SCARB2: variants seen among roughly 807,000 people sequenced by gnomAD.
SCARB2 encodes lysosome membrane protein 2.
SCARB2 carries 29 observed loss-of-function variants against 58.6 expected under a neutral mutation model. That is an observed-to-expected ratio of 0.49 (90% CI 0.37 to 0.67). The LOEUF is 0.67. SCARB2 is among the 30% of genes least tolerant of loss of function. The pLI is 0.00. For missense variants in SCARB2, 488 were observed against 578.5 expected (o/e 0.84, Z 1.60); for synonymous variants, 195 against 210.1 (o/e 0.93, Z 0.62).
intron 11 of SCARB2, 168 bp downstream of exon 11, chr4:76,163,057 T>C (rs763705624): frequency 6.4e-6 from 5 of 781,802 alleles, no homozygotes; most frequent in Non-Finnish European, 1.1e-5. Context: ...CACACTTCCT[T>C]TGCTTCCCAT....
chr4:76,230,649 G>A (rs540259445), intron 1 of SCARB2, among the ~76,000 whole-genome samples: 1 of 152,258 alleles, frequency 6.6e-6, no homozygotes, highest in East Asian at 1.9e-4. Flanking sequence ...GTATGTGAGA[G>A]AGAGAGGAAA....
intron 1 of SCARB2, among the ~76,000 whole-genome samples, chr4:76,221,047 G>A (rs1733298791): frequency 6.6e-6 from 1 of 152,112 alleles, no homozygotes; most frequent in East Asian, 1.9e-4. Context: ...ATCAACTCCT[G>A]TAAAGAGTCA....
At chr4:76,232,426 G>A (rs189607808) in intron 1 of SCARB2, among the ~76,000 whole-genome samples, 209 of 152,254 alleles carry the variant, frequency 1.4e-3, no homozygotes, top group Non-Finnish European at 2.4e-3. Context: ...TCTTGAAAAG[G>A]ATTAAAACAA....
At chr4:76,179,991 A>C in intron 3 of SCARB2, 1 of 439,690 alleles carries the variant, frequency 2.3e-6, no homozygotes, top group Non-Finnish European at 4.2e-6. Context: ...TCTTGTAAAC[A>C]TGTGGGCATC....
At chr4:76,200,415 G>A (rs912678999) in intron 1 of SCARB2, among the ~76,000 whole-genome samples, 5 of 152,124 alleles carry the variant, frequency 3.3e-5, no homozygotes, top group African/African-American at 1.2e-4. Flanking sequence ...ACAAAATACT[G>A]GAAAATTATC....
In SCARB2 at chr4:76,179,712, A is replaced by G; in HGVS notation, c.424-7T>C. 6.2e-7 allele frequency: 1 copy of G among 1,610,218 alleles called. No individual in the cohort carries two copies. ...GGGACCACTCTATGACAGTCTGCGG[A>G]GCAGAGGTATATTAAGACAGCAGCA... On this transcript the variant is annotated splice_region_variant and splice_polypyrimidine_tract_variant and intron_variant, in intron 3 of 11. Transcript: ENST00000264896.
At chr4:76,222,635 T>C (rs1733329737) in intron 1 of SCARB2, among the ~76,000 whole-genome samples, 1 of 152,204 alleles carries the variant, frequency 6.6e-6, no homozygotes, top group South Asian at 2.1e-4. Context: ...TTTTGGTCCT[T>C]CACATTCTTT....
chr4:76,201,667 A>T (rs1732831156), intron 1 of SCARB2, among the ~76,000 whole-genome samples: 1 of 152,194 alleles, frequency 6.6e-6, no homozygotes, highest in African/African-American at 2.4e-5. Context: ...TGCAAATATT[A>T]TTTTTCAAGG....
At chr4:76,211,023 T>C (rs1462456677) in intron 1 of SCARB2, among the ~76,000 whole-genome samples, 3 of 152,258 alleles carry the variant, frequency 2.0e-5, no homozygotes, top group African/African-American at 7.2e-5. Flanking sequence ...TCTCCCATAG[T>C]AATACTAGTG....
At position 76,175,797 on chromosome 4, in the gene SCARB2, A is replaced by G; in HGVS notation, c.818T>C (p.Phe273Ser). The part of the protein sequence containing the change: ...DEVLYVFPSD[F>S]CRSVYITFSD... ...TTATCTTTAAAGCTTTTACCTGCAA[A>G]AGTCAGATGGGAAGACATAAAGGAC... The change falls in exon 6 of 12, where the codon TTT becomes TCT. Residue 273 changes from phenylalanine (F) to serine (S), a missense_variant. Transcript: ENST00000264896. 1.2e-6 allele frequency: 2 copies of G among 1,614,034 alleles called. No individual in the cohort carries two copies. The highest frequency in any genetic ancestry group is 1.7e-6 in the Non-Finnish European group (2 of 1,179,992).
intron 7 of SCARB2, among the ~76,000 whole-genome samples, chr4:76,170,538 G>T (rs1462001656): frequency 6.6e-6 from 1 of 151,340 alleles, no homozygotes; most frequent in South Asian, 2.1e-4. Flanking sequence ...ATTTTTGGTG[G>T]TTTTTTGTTT....
chr4:76,213,617 C>T lies in SCARB2; in HGVS notation c.-74G>A. The T allele has an allele frequency of 7.9e-7, 1 of 1,262,858 alleles. No homozygotes were observed. Among genetic ancestry groups the T allele is most frequent in the Non-Finnish European group, 1.1e-6 (1 of 873,958 alleles). The allele number at this position is 1,262,858 out of a possible 1,614,324, so 78.2% of individuals were successfully genotyped here. On this transcript the variant is annotated 5_prime_UTR_variant, in exon 1 of 12. Coordinates refer to ENST00000264896, the MANE Select transcript of SCARB2 (RefSeq NM_005506.4). ...AACTGCAAGGAGGGAGGAGCCGCCG[C>T]AGAGGCGTCGAAGACCCGGGACCCT...
At chr4:76,201,344 T>C (rs2109965037) in intron 1 of SCARB2, among the ~76,000 whole-genome samples, 1 of 152,358 alleles carries the variant, frequency 6.6e-6, no homozygotes, top group African/African-American at 2.4e-5. Context: ...AATGTGTTCA[T>C]TAGTCTTTAG....
chr4:76,217,610 G>T, upstream of SCARB2: 1 of 597,620 alleles, frequency 1.7e-6, no homozygotes, highest in Non-Finnish European at 3.0e-6. Flanking sequence ...CTCATCCAAT[G>T]CAGATGTCTG....
chr4:76,169,287 G>A (rs56891967), intron 8 of SCARB2, among the ~76,000 whole-genome samples: 3,949 of 148,478 alleles, frequency 0.027, 158 homozygotes, highest in African/African-American at 0.093. Flanking sequence ...TGTTTTTCTC[G>A]TCTATGAATA....
At chr4:76,170,336 C>T (rs934010935) in intron 7 of SCARB2, among the ~76,000 whole-genome samples, 9 of 152,152 alleles carry the variant, frequency 5.9e-5, no homozygotes, top group Non-Finnish European at 1.3e-4. Context: ...ATTAGCCTCA[C>T]TTTGCATTTG....
Position 76,213,451 on chromosome 4 carries a change from C to T in SCARB2, c.93G>A (p.Lys31=), listed in dbSNP as rs558215488. 251 of 1,610,628 alleles carry T rather than the reference C, an allele frequency of 1.6e-4. 4 individuals carry two copies. In the South Asian group the frequency reaches 2.6e-3, roughly 16 times the overall value. The stretch of plus-strand genomic sequence containing the variant: ...CCTTCTCGATACTCTGGTCTACAGC[C>T]TTCTGGAAGACCCGGGCCACCAGCA... ...VTLLVARVFQ[K]AVDQSIEKKI... is the part of the protein sequence containing the mutation. The change falls in exon 1 of 12, where the codon AAG becomes AAA. Residue 31 remains lysine (K), a synonymous_variant. Transcript: ENST00000264896.
At chr4:76,162,845 C>T in intron 11 of SCARB2, 2 of 405,972 alleles carry the variant, frequency 4.9e-6, no homozygotes, top group East Asian at 4.9e-5. Context: ...TTTCTAGGGT[C>T]GTATAGCTGT....
intron 1 of SCARB2, among the ~76,000 whole-genome samples, chr4:76,220,613 A>G (rs1733290602): frequency 6.6e-6 from 1 of 152,194 alleles, no homozygotes; most frequent in Non-Finnish European, 1.5e-5. Flanking sequence ...ACAGAGCTAG[A>G]TCCTGTCTCT....
Sources: gnomAD v4.1 joint callset for allele counts (sites outside exome capture counted in the v4.1 genomes callset) on GRCh38, gnomAD v4.1.1 for gene constraint, MANE v1.5 for transcripts, NCBI Gene and HGNC (gene_info 2026-07-23, HGNC 2026-07-21) for gene names.